ALX4: variants seen among roughly 807,000 people sequenced by gnomAD.
ALX4 encodes the protein ALX homeobox 4, also known as homeobox protein aristaless-like 4.
In ALX4, 22 loss-of-function variants were observed where a neutral mutation model predicts 40.6. The observed-to-expected ratio is 0.54, with a 90% CI of 0.39 to 0.77. The LOEUF is 0.77. ALX4 is among the 30% of genes least tolerant of loss of function. The probability of loss-of-function intolerance (pLI) is 0.00; values close to 1 mark genes in which losing one functional copy is unlikely to be tolerated. For missense variants in ALX4, 556 were observed against 564.8 expected (o/e 0.98, Z 0.16); for synonymous variants, 266 against 240.5 (o/e 1.11, Z -0.98).
rs1335695378 is a variant in ALX4, at chr11:44,309,702, G to A, written c.361C>T (p.His121Tyr). 6.3e-7 allele frequency: 1 copy of A among 1,583,616 alleles called. No homozygotes were observed. Among genetic ancestry groups the A allele is most frequent in the Admixed American group, 1.7e-5 (1 of 57,212 alleles). The change falls in exon 1 of 4, where the codon CAT becomes TAT. Residue 121 changes from histidine to tyrosine, a missense_variant. By Grantham distance (83) the His-to-Tyr change is moderately conservative. Coordinates refer to ENST00000652299, the MANE Select transcript of ALX4 (RefSeq NM_021926.4). ...QPQPQPPAQP[H>Y]LYLQRGACKT... Reference sequence around the variant, plus strand: ...CAGGCGCCTCGCTGCAAGTAAAGATGCGGTTGCGCGGGCGGCTGGGGCTGC... The same window carrying A: ...CAGGCGCCTCGCTGCAAGTAAAGATACGGTTGCGCGGGCGGCTGGGGCTGC...
intron 1 of ALX4, among the ~76,000 whole-genome samples, chr11:44,293,428 A>AT (rs59149772): frequency 0.017 from 2,577 of 151,156 alleles, 77 homozygotes; most frequent in African/African-American, 0.057. Context: ...AAGAAAAAAA[A>AT]ATATATATAT....
At position 44,264,663 on chromosome 11, in the gene ALX4, C is replaced by T. The variant is rs1956202102; in HGVS notation, c.*191G>A. ...CAGGGCCTCAGTGCCAGGGAGGGGC[C>T]AGGGGCCTGCTGCCCCCTCCCTCCC... On this transcript the variant is annotated 3_prime_UTR_variant, in exon 4 of 4. Transcript: ENST00000652299. 1.5e-6 allele frequency: 1 copy of T among 653,252 alleles called. No individual in the cohort carries two copies. Among genetic ancestry groups the T allele is most frequent in the African/African-American group, 1.8e-5 (1 of 54,924 alleles). The allele number at this position is 653,252 out of a possible 1,614,324, so 40.5% of individuals were successfully genotyped here.
At chr11:44,286,657 G>C (rs1272865589) in intron 1 of ALX4, among the ~76,000 whole-genome samples, 1 of 152,162 alleles carries the variant, frequency 6.6e-6, no homozygotes, top group Non-Finnish European at 1.5e-5. Context: ...CACCATTCCA[G>C]CACTACAAGG....
intron 1 of ALX4, among the ~76,000 whole-genome samples, chr11:44,278,557 C>CCA (rs1359049135): frequency 6.6e-6 from 1 of 152,152 alleles, no homozygotes; most frequent in Non-Finnish European, 1.5e-5. Context: ...GGCAGAAGGT[C>CCA]CAGTCTTCAT....
intron 1 of ALX4, among the ~76,000 whole-genome samples, chr11:44,281,933 G>A (rs1192942509): frequency 6.6e-6 from 1 of 152,186 alleles, no homozygotes; most frequent in Non-Finnish European, 1.5e-5. Flanking sequence ...GGTGGAAATG[G>A]CAGTCCTCAG....
intron 2 of ALX4, among the ~76,000 whole-genome samples, chr11:44,269,841 C>T (rs998701766): frequency 3.3e-5 from 5 of 152,240 alleles, no homozygotes; most frequent in Non-Finnish European, 5.9e-5. Flanking sequence ...TGTTTAATTT[C>T]CTGCAGGCTT....
intron 2 of ALX4, among the ~76,000 whole-genome samples, chr11:44,273,192 A>T (rs930342284): frequency 0.021 from 71 of 3,392 alleles, no homozygotes; most frequent in Non-Finnish European, 0.2. Context: ...TTGCTGATTA[A>T]AAAAAAAAAA....
At chr11:44,302,126 G>T (rs1452700324) in intron 1 of ALX4, among the ~76,000 whole-genome samples, 6 of 152,176 alleles carry the variant, frequency 3.9e-5, no homozygotes, top group Non-Finnish European at 8.8e-5. Context: ...GGCGCCTCTG[G>T]AGGCAGAGGC....
At chr11:44,281,357 G>T (rs118037021) in intron 1 of ALX4, among the ~76,000 whole-genome samples, 4,195 of 152,242 alleles carry the variant, frequency 0.028, 86 homozygotes, top group Middle Eastern at 0.099. Context: ...GGGCAGTTGT[G>T]TGTGGGTGCA....
chr11:44,276,004 C>A (rs977004824), intron 1 of ALX4, among the ~76,000 whole-genome samples: 1 of 152,216 alleles, frequency 6.6e-6, no homozygotes, highest in Non-Finnish European at 1.5e-5. Flanking sequence ...GGATTCCCTG[C>A]ATCAGGACTT....
chr11:44,303,511 T>C lies in ALX4; in HGVS notation c.466+6086A>G, dbSNP rs186453631. Among the ~76,000 whole-genome samples the C allele has an allele frequency of 6.4e-3, 975 of 152,304 alleles. 12 individuals are homozygous for C. The highest frequency in any genetic ancestry group is 0.022 in the African/African-American group (911 of 41,574). ...CCACGGTGACCCTTCCAACTGCCTC[T>C]GGAGTCCAAATCCGAACCGGTCCGC... is the stretch of plus-strand genomic sequence containing the variant. On this transcript the variant is annotated intron_variant, in intron 1 of 3. Coordinates refer to ENST00000652299, the MANE Select transcript of ALX4 (RefSeq NM_021926.4).
chr11:44,296,152 C>G (rs185494684), intron 1 of ALX4, among the ~76,000 whole-genome samples: 1 of 152,336 alleles, frequency 6.6e-6, no homozygotes, highest in African/African-American at 2.4e-5. Flanking sequence ...CAGATGTAAA[C>G]TCTCAAATAC....
intron 2 of ALX4, among the ~76,000 whole-genome samples, chr11:44,267,895 A>C (rs371116282): frequency 1.4e-4 from 21 of 152,332 alleles, no homozygotes; most frequent in African/African-American, 5.1e-4. Flanking sequence ...GAGAATCTAG[A>C]GCAGCCAAGT....
intron 2 of ALX4, 86 bp downstream of exon 2, chr11:44,275,261 TG>T: frequency 7.3e-7 from 1 of 1,371,962 alleles, no homozygotes. Flanking sequence ...GTGTGGTTGG[TG>T]GGCAGTCAGG....
chr11:44,274,067 G>A (rs1280356004), intron 2 of ALX4, among the ~76,000 whole-genome samples: 1 of 152,210 alleles, frequency 6.6e-6, no homozygotes, highest in Non-Finnish European at 1.5e-5. Flanking sequence ...TTTAGCCTAG[G>A]AGTTTGAGGC....
At chr11:44,302,506 C>T (rs543220288) in intron 1 of ALX4, among the ~76,000 whole-genome samples, 35 of 152,362 alleles carry the variant, frequency 2.3e-4, no homozygotes, top group Non-Finnish European at 4.7e-4. Context: ...CTTGGAAGGA[C>T]ATAAGCCGTA....
At chr11:44,296,272 G>A (rs111819074) in intron 1 of ALX4, among the ~76,000 whole-genome samples, 1 of 152,182 alleles carries the variant, frequency 6.6e-6, no homozygotes, top group South Asian at 2.1e-4. Context: ...GAAGAATGAA[G>A]TTGGAGAGCC....
chr11:44,267,345 TG>T, intron 3 of ALX4, 148 bp downstream of exon 3: 1 of 1,037,364 alleles, frequency 9.6e-7, no homozygotes, highest in African/African-American at 1.6e-5. Flanking sequence ...TCCCACACTC[TG>T]GTATAAACAG....
intron 2 of ALX4, among the ~76,000 whole-genome samples, chr11:44,275,031 C>G (rs1223587591): frequency 6.6e-6 from 1 of 152,158 alleles, no homozygotes; most frequent in Non-Finnish European, 1.5e-5. Context: ...TGTGAAAGAG[C>G]CAGGACTCTT....
Sources: allele counts gnomAD v4.1 joint callset (sites outside exome capture counted in the v4.1 genomes callset), GRCh38; gene constraint gnomAD v4.1.1; transcripts MANE v1.5; gene names NCBI Gene and HGNC (gene_info 2026-07-23, HGNC 2026-07-21).